TEKT5: variants seen among roughly 807,000 people sequenced by gnomAD.
TEKT5 encodes the protein tektin 5, also known as tektin-5.
A neutral mutation model predicts 48.7 loss-of-function variants in TEKT5; 52 were observed. That is an observed-to-expected ratio of 1.07 (90% CI 0.86 to 1.35). The LOEUF is 1.35. TEKT5 is among the 40% of genes most tolerant of loss of function. TEKT5 has a pLI of 0.00. For missense variants in TEKT5, 831 were observed against 641.6 expected (o/e 1.30, Z -3.19); for synonymous variants, 318 against 267.6 (o/e 1.19, Z -1.84).
intron 5 of TEKT5, among the ~76,000 whole-genome samples, chr16:10,665,333 T>A (rs1022164416): frequency 2.0e-5 from 3 of 152,240 alleles, no homozygotes; most frequent in Non-Finnish European, 4.4e-5. Context: ...ATCCCAGTGA[T>A]TGCCCTGCCC....
chr16:10,651,136 G>A (rs1431863381), intron 5 of TEKT5, among the ~76,000 whole-genome samples: 2 of 152,180 alleles, frequency 1.3e-5, no homozygotes, highest in Admixed American at 6.5e-5. Flanking sequence ...TGGTCTTTCT[G>A]CAGGGCAACC....
chr16:10,683,064 T>A (rs1898785390), intron 3 of TEKT5, among the ~76,000 whole-genome samples: 1 of 152,138 alleles, frequency 6.6e-6, no homozygotes, highest in Non-Finnish European at 1.5e-5. Flanking sequence ...AAGGGCATTG[T>A]GCAGGTTTGA....
chr16:10,665,543 C>T (rs572907350), intron 5 of TEKT5, among the ~76,000 whole-genome samples: 6 of 152,324 alleles, frequency 3.9e-5, no homozygotes, highest in Non-Finnish European at 8.8e-5. Context: ...CGCCTACCTC[C>T]CCAGCTCTGG....
At chr16:10,641,750 A>G (rs916149614) in intron 5 of TEKT5, among the ~76,000 whole-genome samples, 6 of 152,164 alleles carry the variant, frequency 3.9e-5, no homozygotes, top group African/African-American at 1.4e-4. Context: ...TGAGCATGAG[A>G]GGTTGAGGCT....
At chr16:10,682,603 C>T (rs961112744) in intron 3 of TEKT5, among the ~76,000 whole-genome samples, 3 of 152,218 alleles carry the variant, frequency 2.0e-5, no homozygotes, top group Admixed American at 1.3e-4. Context: ...GTTGAGATTA[C>T]AGGCATAAGC....
At position 10,652,789 on chromosome 16, in the gene TEKT5, CACACA is replaced by C. The variant is rs1205912392; in HGVS notation, c.1087-16876_1087-16872del. Among the ~76,000 whole-genome samples, 172 of 134,370 alleles carry C rather than the reference CACACA, an allele frequency of 1.3e-3. 5 individuals carry two copies. The highest frequency in any genetic ancestry group is 1.9e-3 in the Non-Finnish European group (120 of 62,718). 88.2% of individuals were successfully genotyped at this position (134,370 alleles called of 152,430 possible). The stretch of plus-strand genomic sequence containing the variant: ...AAACACACACACACACACACACACA[CACACA>C]CCCTCCAGGCCAGGTAGAACGATCC... On this transcript the variant is annotated intron_variant, in intron 5 of 6. Transcript: ENST00000283025.
At chr16:10,632,100 A>C (rs1897848465) in intron 6 of TEKT5, among the ~76,000 whole-genome samples, 1 of 152,182 alleles carries the variant, frequency 6.6e-6, no homozygotes, top group Non-Finnish European at 1.5e-5. Context: ...GCTAGAGAGA[A>C]GCAAAGAGAA....
chr16:10,651,756 T>C (rs182420541), intron 5 of TEKT5, among the ~76,000 whole-genome samples: 151 of 152,212 alleles, frequency 9.9e-4, no homozygotes, highest in Non-Finnish European at 9.3e-4. Context: ...GATCAGGGGT[T>C]CGAGACCAGC....
At position 10,674,617 on chromosome 16, in the gene TEKT5, GAA is replaced by G. The variant is rs57583870; in HGVS notation, c.1086+1340_1086+1341del. Among the ~76,000 whole-genome samples, 572 of 74,748 alleles carry G rather than the reference GAA, an allele frequency of 7.7e-3. 4 individuals are homozygous for G. The highest frequency in any genetic ancestry group is 0.03 in the African/African-American group (518 of 17,098). The allele number at this position is 74,748 out of a possible 152,430, so 49.0% of individuals were successfully genotyped here. On this transcript the variant is annotated intron_variant, in intron 5 of 6. Coordinates refer to ENST00000283025, the MANE Select transcript of TEKT5 (RefSeq NM_144674.2). The stretch of plus-strand genomic sequence containing the variant: ...TGGGCAACAGAGCAAGATCATCTCA[GAA>G]AAAAAAAAAAAAAAAAAAAAAACAG...
At chr16:10,691,919 G>C (rs1420665) in intron 1 of TEKT5, among the ~76,000 whole-genome samples, 18,693 of 146,052 alleles carry the variant, frequency 0.13, 1,319 homozygotes, top group African/African-American at 0.17. Context: ...CTGCACTCCA[G>C]CCTGGGCAAC....
chr16:10,636,704 TGTG>T (rs1897918526), intron 5 of TEKT5, among the ~76,000 whole-genome samples: 1 of 151,488 alleles, frequency 6.6e-6, no homozygotes, highest in East Asian at 1.9e-4. Context: ...TGTGTGTGTG[TGTG>T]TGTGTGTGTG....
chr16:10,660,200 T>A (rs1898340617), intron 5 of TEKT5, among the ~76,000 whole-genome samples: 1 of 152,124 alleles, frequency 6.6e-6, no homozygotes, highest in African/African-American at 2.4e-5. Flanking sequence ...TCAACCCACT[T>A]ATTCCAGTGT....
intron 5 of TEKT5, among the ~76,000 whole-genome samples, chr16:10,652,282 C>T (rs1056151143): frequency 6.6e-6 from 1 of 152,080 alleles, no homozygotes; most frequent in African/African-American, 2.4e-5. Flanking sequence ...GCATGCCCAG[C>T]TCTTCCCACA....
chr16:10,668,180 G>GA (rs35072085), intron 5 of TEKT5, among the ~76,000 whole-genome samples: 1 of 151,818 alleles, frequency 6.6e-6, no homozygotes, highest in African/African-American at 2.4e-5. Context: ...CACCTAGCTG[G>GA]AAAAAAGAAG....
chr16:10,654,571 GAGGA>G (rs1335544418), intron 5 of TEKT5, among the ~76,000 whole-genome samples: 1 of 152,232 alleles, frequency 6.6e-6, no homozygotes, highest in Admixed American at 6.5e-5. Context: ...CAAAAAGGCA[GAGGA>G]AGGGTGAATT....
intron 4 of TEKT5, among the ~76,000 whole-genome samples, chr16:10,678,589 G>A (rs910485344): frequency 6.6e-6 from 1 of 152,162 alleles, no homozygotes; most frequent in Non-Finnish European, 1.5e-5. Flanking sequence ...CAAGACCTGA[G>A]GCTCAGAGAG....
chr16:10,693,379 G>A (rs552121913), intron 1 of TEKT5, among the ~76,000 whole-genome samples: 2 of 152,334 alleles, frequency 1.3e-5, no homozygotes, highest in East Asian at 3.9e-4. Context: ...ACAGGTGTAA[G>A]CCACTGTGCC....
chr16:10,693,924 C>G (rs1347401002), intron 1 of TEKT5, among the ~76,000 whole-genome samples: 1 of 152,128 alleles, frequency 6.6e-6, no homozygotes, highest in Non-Finnish European at 1.5e-5. Flanking sequence ...GAGCCAAGAT[C>G]GAGCCACTGC....
intron 6 of TEKT5, among the ~76,000 whole-genome samples, chr16:10,629,194 A>G (rs562206276): frequency 6.6e-6 from 1 of 152,292 alleles, no homozygotes; most frequent in East Asian, 1.9e-4. Flanking sequence ...GTTGCACAAC[A>G]TCGTGAATGT....
Sources: allele counts gnomAD v4.1 joint callset (sites outside exome capture counted in the v4.1 genomes callset), GRCh38; gene constraint gnomAD v4.1.1; transcripts MANE v1.5; gene names NCBI Gene and HGNC (gene_info 2026-07-23, HGNC 2026-07-21).